The following IKZF1 variants were observed in gnomAD, a reference collection of about 807,000 sequenced individuals.
IKZF1 encodes the protein IKAROS family zinc finger 1, also known as DNA-binding protein Ikaros.
IKZF1 carries 10 observed loss-of-function variants against 51.7 expected under a neutral mutation model. The observed-to-expected ratio is 0.19, with a 90% CI of 0.12 to 0.33. IKZF1 has a LOEUF of 0.33. Ranked by LOEUF, IKZF1 falls within the 10% of genes least tolerant of loss-of-function variation. The probability of loss-of-function intolerance (pLI) is 1.00; values close to 1 mark genes in which losing one functional copy is unlikely to be tolerated. For missense variants in IKZF1, 484 were observed against 707.5 expected (o/e 0.68, Z 3.58); for synonymous variants, 280 against 282.3 (o/e 0.99, Z 0.08).
chr7:50,339,145 T>A (rs1798459118), intron 3 of IKZF1, among the ~76,000 whole-genome samples: 1 of 152,026 alleles, frequency 6.6e-6, no homozygotes. Flanking sequence ...CTAGCTTAAA[T>A]ACACTTTTAA....
At chr7:50,367,820 C>T (rs1449886275) in intron 3 of IKZF1, 1 of 574,014 alleles carries the variant, frequency 1.7e-6, no homozygotes, top group Non-Finnish European at 3.1e-6. Context: ...GGATTGTGGT[C>T]CTGTTCATGA....
At chr7:50,366,484 A>G (rs1806991294) in intron 3 of IKZF1, among the ~76,000 whole-genome samples, 1 of 152,178 alleles carries the variant, frequency 6.6e-6, no homozygotes, top group South Asian at 2.1e-4. Context: ...GGTAAACATG[A>G]AGACCTCCCC....
intron 3 of IKZF1, among the ~76,000 whole-genome samples, chr7:50,336,412 C>T (rs1042156264): frequency 0.013 from 2,037 of 152,146 alleles, 52 homozygotes; most frequent in African/African-American, 0.045. Flanking sequence ...AGGAGTGGGG[C>T]GGGTTGCAGG....
chr7:50,307,651 C>G (rs1020672781), intron 1 of IKZF1, among the ~76,000 whole-genome samples: 1 of 152,202 alleles, frequency 6.6e-6, no homozygotes, highest in African/African-American at 2.4e-5. Context: ...ACAAGTGACC[C>G]ATCCTTTGAA....
intron 1 of IKZF1, among the ~76,000 whole-genome samples, chr7:50,307,471 A>T (rs1789086431): frequency 6.6e-6 from 1 of 152,180 alleles, no homozygotes; most frequent in Non-Finnish European, 1.5e-5. Flanking sequence ...GGGCACTGTG[A>T]CGCCTGCTTC....
chr7:50,365,784 A>G (rs1165796045), intron 3 of IKZF1, among the ~76,000 whole-genome samples: 1 of 152,198 alleles, frequency 6.6e-6, no homozygotes, highest in East Asian at 1.9e-4. Flanking sequence ...ATATATACCC[A>G]AAGGAATATG....
At chr7:50,319,657 C>T (rs900837624) in intron 2 of IKZF1, among the ~76,000 whole-genome samples, 1 of 152,086 alleles carries the variant, frequency 6.6e-6, no homozygotes, top group Non-Finnish European at 1.5e-5. Flanking sequence ...GGGTGGACGG[C>T]GAGCCAGTCC....
intron 2 of IKZF1, among the ~76,000 whole-genome samples, chr7:50,322,720 G>T (rs759797680): frequency 1.1e-4 from 16 of 152,178 alleles, no homozygotes; most frequent in Non-Finnish European, 1.8e-4. Flanking sequence ...TAAAGAAAGA[G>T]TCAGCCGGTG....
At chr7:50,320,775 A>G (rs1452464572) in intron 2 of IKZF1, among the ~76,000 whole-genome samples, 2 of 152,242 alleles carry the variant, frequency 1.3e-5, no homozygotes, top group Non-Finnish European at 2.9e-5. Context: ...TTATCTATAT[A>G]AACAAAAATG....
chr7:50,348,264 G>C (rs1800891355), intron 3 of IKZF1, among the ~76,000 whole-genome samples: 1 of 152,154 alleles, frequency 6.6e-6, no homozygotes. Flanking sequence ...GTCTTAAATT[G>C]TTGCCTCCGG....
intron 2 of IKZF1, 24 bp downstream of exon 2, chr7:50,319,125 G>T (rs1354396542): frequency 1.2e-6 from 2 of 1,611,050 alleles, no homozygotes; most frequent in Non-Finnish European, 1.7e-6. Flanking sequence ...AGATAGCTGT[G>T]TGGGAAGTTC....
At chr7:50,379,422 A>AT (rs1811222694) in intron 4 of IKZF1, among the ~76,000 whole-genome samples, 1 of 152,014 alleles carries the variant, frequency 6.6e-6, no homozygotes, top group African/African-American at 2.4e-5. Context: ...CACTGGCGCC[A>AT]TTTTCTAATC....
At chr7:50,359,961 C>T (rs561854416) in intron 3 of IKZF1, among the ~76,000 whole-genome samples, 1 of 152,226 alleles carries the variant, frequency 6.6e-6, no homozygotes, top group Non-Finnish European at 1.5e-5. Flanking sequence ...CAGGATTTCT[C>T]AGCAGAGTAT....
At chr7:50,317,918 G>A (rs1791996898) in intron 1 of IKZF1, among the ~76,000 whole-genome samples, 1 of 152,214 alleles carries the variant, frequency 6.6e-6, no homozygotes, top group Non-Finnish European at 1.5e-5. Flanking sequence ...ATCTGAACCA[G>A]AGACAGAGGT....
intron 1 of IKZF1, among the ~76,000 whole-genome samples, chr7:50,310,456 T>C (rs932680341): frequency 6.6e-6 from 1 of 152,226 alleles, no homozygotes; most frequent in Non-Finnish European, 1.5e-5. Context: ...GCCCATTTTT[T>C]GTACCCCCAC....
At chr7:50,352,587 C>T (rs889524770) in intron 3 of IKZF1, among the ~76,000 whole-genome samples, 6 of 152,062 alleles carry the variant, frequency 3.9e-5, no homozygotes, top group Non-Finnish European at 5.9e-5. Context: ...GTCAATGGGA[C>T]GGGATGGGAT....
At chr7:50,370,985 G>T (rs137929177) in intron 3 of IKZF1, among the ~76,000 whole-genome samples, 1 of 152,156 alleles carries the variant, frequency 6.6e-6, no homozygotes, top group Non-Finnish European at 1.5e-5. Context: ...AGAAGGGCAC[G>T]GCCAGGCAAC....
chr7:50,356,312 A>T (rs1048287375), intron 3 of IKZF1, among the ~76,000 whole-genome samples: 3 of 152,260 alleles, frequency 2.0e-5, no homozygotes, highest in Non-Finnish European at 4.4e-5. Context: ...CTGTGGGGAC[A>T]GATGGTCTGG....
intron 1 of IKZF1, among the ~76,000 whole-genome samples, chr7:50,311,873 A>T (rs1049334953): frequency 6.0e-5 from 9 of 151,088 alleles, no homozygotes; most frequent in East Asian, 3.9e-4. Flanking sequence ...CTCTCTTTTT[A>T]AAAAAAAATG....
Sources: gnomAD v4.1 joint callset for allele counts (sites outside exome capture counted in the v4.1 genomes callset) on GRCh38, gnomAD v4.1.1 for gene constraint, MANE v1.5 for transcripts, NCBI Gene and HGNC (gene_info 2026-07-23, HGNC 2026-07-21) for gene names.